Variants in SHC2 observed in about 807,000 individuals in gnomAD.
The protein encoded by SHC2 is SHC-transforming protein 2.
SHC2 carries 62 observed loss-of-function variants against 60.6 expected under a neutral mutation model. The ratio of observed to expected loss-of-function variants is 1.02; its 90% CI spans 0.83 to 1.26. SHC2 has a LOEUF of 1.26. Among genes scored for constraint, SHC2 ranks in the 50% most tolerant of loss-of-function variants. SHC2 has a pLI of 0.00. For synonymous variants in SHC2, 375 were observed against 372.4 expected (o/e 1.01, Z -0.08); for missense variants, 873 against 822.2 (o/e 1.06, Z -0.76).
At position 436,409 on chromosome 19, in the gene SHC2, T is replaced by C. The variant is rs1253207389; in HGVS notation, c.797A>G (p.Tyr266Cys). The C allele has an allele frequency of 6.9e-6, 11 of 1,595,720 alleles. No homozygotes were observed. Among genetic ancestry groups the C allele is most frequent in the Non-Finnish European group, 9.4e-6 (11 of 1,169,114 alleles). ...GDTDMTDYVA[Y>C]VAKDPINQRA... ...CTGGTTGATGGGGTCCTTGGCGACG[T>C]AGGCCACGTAATCCGTCATGTCCTG... Residue 266 changes from tyrosine to cysteine, a missense_variant, in exon 6 of 13, where the codon TAC becomes TGC. Tyr to Cys is a radical substitution (Grantham distance 194). Coordinates refer to ENST00000264554, the MANE Select transcript of SHC2 (RefSeq NM_012435.3).
Position 436,637 on chromosome 19 carries a change from C to T in SHC2, c.767G>A (p.Gly256Glu), listed in dbSNP as rs773508199. 1.7e-5 allele frequency: 28 copies of T among 1,606,284 alleles called. No homozygotes were observed. Among genetic ancestry groups the T allele is most frequent in the South Asian group, 2.2e-5 (2 of 90,350 alleles). The change falls in exon 5 of 13, where the codon GGA becomes GAA. Residue 256 changes from glycine to glutamate, a missense_variant. By Grantham distance (98) the Gly-to-Glu change is moderately conservative. Transcript: ENST00000264554. Reference protein sequence around the residue: ...HMPSISFASGGDTDMTDYVAY... With the variant: ...HMPSISFASGEDTDMTDYVAY... ...CCCCATCCCTGGCCTCACCGTGTCT[C>T]CGCCTGACGCGAAGGAGATGGACGG...
intron 2 of SHC2, among the ~76,000 whole-genome samples, chr19:439,987 C>T (rs971518807): frequency 6.1e-5 from 9 of 146,474 alleles, no homozygotes; most frequent in Non-Finnish European, 1.2e-4. Flanking sequence ...CACGGTGTCA[C>T]TGCACTCCAG....
In SHC2 at chr19:440,987, G is replaced by A. The variant is rs1053417573; in HGVS notation, c.469-55C>T. On this transcript the variant is annotated intron_variant, in intron 1 of 12. Transcript: ENST00000264554. The surrounding 1 kb of genome is among the most constrained non-coding windows in gnomAD (Gnocchi z 7.0). ...ATCGGAACCCCCGCAGTGGAGCCACGTCCCTTTTCCCAGCAGCCCTTCGCC... is the reference window on the plus strand; with the variant it reads ...ATCGGAACCCCCGCAGTGGAGCCACATCCCTTTTCCCAGCAGCCCTTCGCC... 8.7e-5 allele frequency: 136 copies of A among 1,563,968 alleles called. 1 individual carries two copies. Among genetic ancestry groups the A allele is most frequent in the South Asian group, 3.3e-4 (30 of 90,050 alleles).
Position 430,847 on chromosome 19 carries a change from A to C in SHC2, c.1111-100T>G, listed in dbSNP as rs147798623. 414 of 1,106,030 alleles carry C rather than the reference A, an allele frequency of 3.7e-4. 2 individuals carry two copies. In the African/African-American group the frequency reaches 5.9e-3, roughly 16 times the overall value. 68.5% of individuals were successfully genotyped at this position (1,106,030 alleles called of 1,614,324 possible). The stretch of plus-strand genomic sequence containing the variant: ...GCCCGGCCCTCTTAGATGGCTGGAG[A>C]CTTAGGGGTGGGGAGCACAGCCCTG... On this transcript the variant is annotated intron_variant, in intron 8 of 12. Coordinates refer to ENST00000264554, the MANE Select transcript of SHC2 (RefSeq NM_012435.3).
chr19:452,861 A>ACAC (rs1308007207), intron 1 of SHC2, among the ~76,000 whole-genome samples: 1 of 152,140 alleles, frequency 6.6e-6, no homozygotes, highest in Non-Finnish European at 1.5e-5. Context: ...GGGGCTCGAG[A>ACAC]ATCAGCATTT....
In SHC2 at chr19:422,520, G is replaced by C; in HGVS notation, c.1310-64C>G. On this transcript the variant is annotated intron_variant, in intron 10 of 12. Transcript: ENST00000264554. The surrounding 1 kb of genome is among the most constrained non-coding windows in gnomAD (Gnocchi z 5.0). ...CAAGCAGCTACTCCTGCCGGGACCA[G>C]AGCTGGGAGAAACGGGTTCCCCGGG... The C allele has an allele frequency of 7.2e-7, 1 of 1,381,464 alleles. No homozygotes were observed. Among genetic ancestry groups the C allele is most frequent in the Non-Finnish European group, 9.7e-7 (1 of 1,035,344 alleles). The allele number at this position is 1,381,464 out of a possible 1,614,324, so 85.6% of individuals were successfully genotyped here.
At chr19:437,551 G>A (rs1055086205) in intron 4 of SHC2, among the ~76,000 whole-genome samples, 6 of 151,936 alleles carry the variant, frequency 3.9e-5, no homozygotes, top group East Asian at 1.9e-4. Context: ...TGCCAACCCC[G>A]GCCCAGCCAG....
chr19:452,486 C>T (rs4919873), intron 1 of SHC2, among the ~76,000 whole-genome samples: 3,114 of 90,436 alleles, frequency 0.034, 367 homozygotes, highest in Middle Eastern at 0.11. Context: ...GTTGGGGCAT[C>T]GTACTGACTT....
At chr19:437,218 A>ATCTGCGTGCTCGTTTGCGAGCTTG (rs1974744785) in intron 4 of SHC2, among the ~76,000 whole-genome samples, 1 of 150,808 alleles carries the variant, frequency 6.6e-6, no homozygotes, top group African/African-American at 2.5e-5. Context: ...TTGCGTGGTC[A>ATCTGCGTGCTCGTTTGCGAGCTTG]TCTGCGTGCT....
chr19:431,336 CATCGTGAGTGAG>C (rs1232851946), intron 8 of SHC2, among the ~76,000 whole-genome samples: 10 of 140,816 alleles, frequency 7.1e-5, no homozygotes, highest in Non-Finnish European at 1.2e-4. Context: ...GATGGCGCTT[CATCGTGAGTGAG>C]ATCGTGAGTG....
intron 7 of SHC2, among the ~76,000 whole-genome samples, chr19:435,294 C>T (rs747244262): frequency 3.5e-4 from 54 of 152,254 alleles, no homozygotes; most frequent in South Asian, 1.0e-3. Flanking sequence ...TCAGCAAGCA[C>T]GGCCCCGAGA....
rs1253051110 is a variant in SHC2 at position 421,323 on chromosome 19, G to A, written c.1620+823C>T. The stretch of plus-strand genomic sequence containing the variant: ...GCTGAGGCGGGAGAATCGCTTGAAC[G>A]CGGGAGGCGGAGCTTGCAGTGAGCC... On this transcript the variant is annotated intron_variant, in intron 11 of 12. Coordinates refer to ENST00000264554, the MANE Select transcript of SHC2 (RefSeq NM_012435.3). Among the ~76,000 whole-genome samples, 7 of 150,010 alleles carry A rather than the reference G, an allele frequency of 4.7e-5. No individual in the cohort carries two copies. In the East Asian group the frequency reaches 7.9e-4, roughly 17 times the overall value.
At chr19:437,030 T>C (rs537243032) in intron 4 of SHC2, among the ~76,000 whole-genome samples, 5 of 151,418 alleles carry the variant, frequency 3.3e-5, no homozygotes, top group Admixed American at 3.3e-4. Flanking sequence ...CCCACACACA[T>C]GCACACACAC....
In SHC2 at chr19:425,323, G is replaced by C; in HGVS notation, c.1175-92C>G. 1 of 1,075,330 alleles carries C rather than the reference G, an allele frequency of 9.3e-7. No homozygotes were observed. The allele number at this position is 1,075,330 out of a possible 1,614,324, so 66.6% of individuals were successfully genotyped here. A position where few individuals can be genotyped will look rare whatever the true frequency, so the allele number is the denominator to read the frequency against. ...CGGGGTCCCACGAGGAGCTCCCCCGGCCACCACCTGTGCTGCTGGCTGCAG... is the reference window on the plus strand; with the variant it reads ...CGGGGTCCCACGAGGAGCTCCCCCGCCCACCACCTGTGCTGCTGGCTGCAG... On this transcript the variant is annotated intron_variant, in intron 9 of 12. Transcript: ENST00000264554. This position sits in a 1 kb window ranked among gnomAD's most constrained non-coding sequence, Gnocchi z 4.1.
In SHC2 at chr19:460,664, CCGCCCGCCCCG is replaced by C. The variant is rs1263676597; in HGVS notation, c.322_332del (p.Arg108GlyfsTer62). ...CGGCGTCCCCGGACCCCGCCGCCCC[CCGCCCGCCCCG>C]CGACCCCCGCGACCCCGCGCCCCGA... is the stretch of plus-strand genomic sequence containing the variant. On this transcript the variant is annotated frameshift_variant, in exon 1 of 13. Coordinates refer to ENST00000264554, the MANE Select transcript of SHC2 (RefSeq NM_012435.3). LOFTEE classifies it high-confidence loss of function. The C allele has an allele frequency of 2.7e-6, 3 of 1,127,460 alleles. No individual in the cohort carries two copies. Among genetic ancestry groups the C allele is most frequent in the Non-Finnish European group, 3.2e-6 (3 of 924,726 alleles). 69.8% of individuals were successfully genotyped at this position (1,127,460 alleles called of 1,614,324 possible).
chr19:443,322 ATGGATGGATGGG>A (rs1462627647), intron 1 of SHC2, among the ~76,000 whole-genome samples: 1 of 132,746 alleles, frequency 7.5e-6, no homozygotes, highest in Non-Finnish European at 1.6e-5. Flanking sequence ...GGATGGGTGG[ATGGATGGATGGG>A]TGGATGGATG....
intron 1 of SHC2, among the ~76,000 whole-genome samples, chr19:444,532 T>TG (rs955142467): frequency 7.3e-5 from 11 of 150,454 alleles, no homozygotes; most frequent in African/African-American, 2.0e-4. Context: ...ACGGGGGAGG[T>TG]GGGGGGCAAA....
At chr19:434,524 G>A (rs894720576) in intron 8 of SHC2, among the ~76,000 whole-genome samples, 185 bp downstream of exon 8, 3 of 45,900 alleles carry the variant, frequency 6.5e-5, no homozygotes, top group South Asian at 5.8e-4. Flanking sequence ...GAGCCTGTGA[G>A]ATTGTGAGTG....
In SHC2 at chr19:425,249, G is replaced by A. The variant is rs374761634; in HGVS notation, c.1175-18C>T. 4 of 1,316,298 alleles carry A rather than the reference G, an allele frequency of 3.0e-6. No homozygotes were observed. Among genetic ancestry groups the A allele is most frequent in the Non-Finnish European group, 3.9e-6 (4 of 1,024,486 alleles). The allele number at this position is 1,316,298 out of a possible 1,614,324, so 81.5% of individuals were successfully genotyped here. A position where few individuals can be genotyped will look rare whatever the true frequency, so the allele number is the denominator to read the frequency against. On this transcript the variant is annotated intron_variant, in intron 9 of 12. Coordinates refer to ENST00000264554, the MANE Select transcript of SHC2 (RefSeq NM_012435.3). The surrounding 1 kb of genome is among the most constrained non-coding windows in gnomAD (Gnocchi z 4.1). The stretch of plus-strand genomic sequence containing the variant: ...CGGTGGAGCTGGGGAGTGTAAAGAG[G>A]GGCAGGGGGTCAGCTGGGAGCCAGG...
Sources: gnomAD v4.1 joint callset for allele counts (sites outside exome capture counted in the v4.1 genomes callset) on GRCh38, gnomAD v4.1.1 for gene constraint, Gnocchi (gnomAD v3.1) non-coding constraint, MANE v1.5 for transcripts, NCBI Gene and HGNC (gene_info 2026-07-23, HGNC 2026-07-21) for gene names.